Variants in NRXN1 observed in about 807,000 individuals in gnomAD.
NRXN1 encodes neurexin-1.
NRXN1 carries 39 observed loss-of-function variants against 150.9 expected under a neutral mutation model. The ratio of observed to expected loss-of-function variants is 0.26; its 90% CI spans 0.20 to 0.34. The LOEUF is 0.34. Ranked by LOEUF, NRXN1 falls within the 10% of genes least tolerant of loss-of-function variation. The pLI, the probability that NRXN1 is intolerant of heterozygous loss-of-function variation, is 1.00. For missense variants in NRXN1, 1,815 were observed against 1,949.9 expected, an observed-to-expected ratio of 0.93 and a Z score of 1.30; for synonymous variants, 924 against 757.0, an observed-to-expected ratio of 1.22 and a Z score of -3.62.
At chr2:49,952,177 C>A (rs905398893) in intron 21 of NRXN1, among the ~76,000 whole-genome samples, 2 of 152,008 alleles carry the variant, frequency 1.3e-5, no homozygotes, top group African/African-American at 4.8e-5. Flanking sequence ...TTCTACCTAT[C>A]CATTCATCTA....
intron 6 of NRXN1, 145 bp from the exon 7 acceptor site, chr2:50,621,394 A>G (rs1679989967): frequency 1.7e-6 from 1 of 600,114 alleles, no homozygotes; most frequent in Non-Finnish European, 2.8e-6. Context: ...CATGAATGAC[A>G]TGTTAGTTAT....
chr2:50,307,250 G>C (rs1480493474), intron 17 of NRXN1, among the ~76,000 whole-genome samples: 1 of 152,132 alleles, frequency 6.6e-6, no homozygotes, highest in Non-Finnish European at 1.5e-5. Flanking sequence ...CCAAAGTGCT[G>C]GGATCACAGG....
At chr2:50,113,119 G>A (rs1026203787) in intron 18 of NRXN1, among the ~76,000 whole-genome samples, 2 of 152,072 alleles carry the variant, frequency 1.3e-5, no homozygotes, top group African/African-American at 4.8e-5. Flanking sequence ...GATCTTGAAG[G>A]TATGGCATTT....
chr2:50,815,538 T>C (rs936023821), intron 5 of NRXN1, among the ~76,000 whole-genome samples: 8 of 152,170 alleles, frequency 5.3e-5, no homozygotes, highest in African/African-American at 1.9e-4. Flanking sequence ...TCTATTTCTA[T>C]TTCAAATATT....
At chr2:50,573,153 T>A (rs1437423228) in intron 8 of NRXN1, among the ~76,000 whole-genome samples, 1 of 152,100 alleles carries the variant, frequency 6.6e-6, no homozygotes, top group Non-Finnish European at 1.5e-5. Context: ...GAGGATTGCT[T>A]GAGCTCAGGA....
intron 20 of NRXN1, among the ~76,000 whole-genome samples, 157 bp from the exon 21 acceptor site, chr2:50,053,747 C>T (rs1291946974): frequency 6.6e-6 from 1 of 152,062 alleles, no homozygotes; most frequent in Non-Finnish European, 1.5e-5. Flanking sequence ...ATGAGGTGTC[C>T]ATGAAATGCA....
At chr2:51,005,991 C>T (rs1452532882) in intron 2 of NRXN1, among the ~76,000 whole-genome samples, 2 of 151,522 alleles carry the variant, frequency 1.3e-5, no homozygotes, top group Non-Finnish European at 2.9e-5. Context: ...GGCAGTCATA[C>T]TTACATCAGA....
chr2:50,817,159 T>A (rs986696114), intron 5 of NRXN1, among the ~76,000 whole-genome samples: 1 of 152,034 alleles, frequency 6.6e-6, no homozygotes, highest in Admixed American at 6.6e-5. Flanking sequence ...TAAAAGGAGA[T>A]ACAACAGAGT....
intron 5 of NRXN1, among the ~76,000 whole-genome samples, chr2:50,768,545 G>A (rs1702625398): frequency 6.6e-6 from 1 of 151,666 alleles, no homozygotes; most frequent in Non-Finnish European, 1.5e-5. Context: ...GAGCTCAAGT[G>A]ATCTGCCCAT....
intron 18 of NRXN1, among the ~76,000 whole-genome samples, chr2:50,156,641 A>C (rs2059037868): frequency 6.6e-6 from 1 of 151,956 alleles, no homozygotes; most frequent in South Asian, 2.1e-4. Context: ...TGAAAAAAGA[A>C]AAAAATAAAC....
chr2:50,574,424 C>A (rs1179818372), intron 8 of NRXN1, among the ~76,000 whole-genome samples: 1 of 152,034 alleles, frequency 6.6e-6, no homozygotes, highest in East Asian at 1.9e-4. Context: ...CCAGTTTGCA[C>A]GTTTGGAAAC....
At chr2:50,366,644 A>C (rs1217582255) in intron 17 of NRXN1, among the ~76,000 whole-genome samples, 1 of 151,884 alleles carries the variant, frequency 6.6e-6, no homozygotes, top group Non-Finnish European at 1.5e-5. Context: ...CATAATTAGG[A>C]CAATATTTTC....
intron 5 of NRXN1, among the ~76,000 whole-genome samples, chr2:50,671,854 T>C (rs1048921496): frequency 2.6e-5 from 4 of 151,860 alleles, no homozygotes; most frequent in African/African-American, 9.7e-5. Flanking sequence ...CAATGGAAAT[T>C]TTCCATCAGT....
chr2:50,834,669 A>G, intron 5 of NRXN1, among the ~76,000 whole-genome samples: 1 of 152,166 alleles, frequency 6.6e-6, no homozygotes, highest in East Asian at 1.9e-4. Context: ...TCCTCAGTTT[A>G]CTCATTTGTA....
chr2:50,183,105 A>G (rs2060841049), intron 18 of NRXN1, among the ~76,000 whole-genome samples: 2 of 152,088 alleles, frequency 1.3e-5, no homozygotes, highest in South Asian at 4.1e-4. Flanking sequence ...AGCCAATTAT[A>G]GAAGGAAGTT....
chr2:50,961,024 A>G (rs887482065), intron 2 of NRXN1, among the ~76,000 whole-genome samples: 1 of 151,924 alleles, frequency 6.6e-6, no homozygotes, highest in African/African-American at 2.4e-5. Context: ...AAATTAGGTA[A>G]CATTTGGAAC....
At chr2:49,937,100 C>G (rs537236080) in intron 22 of NRXN1, among the ~76,000 whole-genome samples, 1 of 152,170 alleles carries the variant, frequency 6.6e-6, no homozygotes, top group Non-Finnish European at 1.5e-5. Flanking sequence ...GAGAAGATAG[C>G]GCCCCTATCT....
intron 17 of NRXN1, among the ~76,000 whole-genome samples, chr2:50,354,554 C>CATATATATATATATAATATAT (rs2078652222): frequency 1.0e-5 from 1 of 100,132 alleles, no homozygotes; most frequent in African/African-American, 4.0e-5. Context: ...AGAGTGCATA[C>CATATATATATATATAATATAT]ATATATATAT....
At chr2:50,789,068 C>A (rs1396587981) in intron 5 of NRXN1, among the ~76,000 whole-genome samples, 1 of 152,086 alleles carries the variant, frequency 6.6e-6, no homozygotes, top group African/African-American at 2.4e-5. Context: ...CCAAACAAAC[C>A]AAAACAAAGG....
Sources: allele counts gnomAD v4.1 joint callset (sites outside exome capture counted in the v4.1 genomes callset), GRCh38; gene constraint gnomAD v4.1.1; transcripts MANE v1.5; gene names NCBI Gene and HGNC (gene_info 2026-07-23, HGNC 2026-07-21).